The following NLRP4 variants were observed in gnomAD, a reference collection of about 807,000 sequenced individuals.
The protein encoded by NLRP4 is NLR family pyrin domain containing 4, also known as NACHT, LRR and PYD domains-containing protein 4.
NLRP4 carries 44 observed loss-of-function variants against 84.7 expected under a neutral mutation model. That is an observed-to-expected ratio of 0.52 (90% CI 0.41 to 0.67). The LOEUF (loss-of-function observed/expected upper bound fraction) is 0.67, where lower values mean the gene tolerates loss of function less well. Among genes scored for constraint, NLRP4 ranks in the 30% least tolerant of loss-of-function variants. The pLI, the probability that NLRP4 is intolerant of heterozygous loss-of-function variation, is 0.00. For synonymous variants in NLRP4, 544 were observed against 476.4 expected (o/e 1.14, Z -1.85); for missense variants, 1,260 against 1,219.4 (o/e 1.03, Z -0.50).
chr19:55,856,893 A>T (rs901870141), intron 2 of NLRP4, among the ~76,000 whole-genome samples: 4 of 152,170 alleles, frequency 2.6e-5, no homozygotes, highest in Non-Finnish European at 5.9e-5. Context: ...GTTGGAATGG[A>T]TGCGAGGTGC....
chr19:55,861,584 G>A (rs1256744794), intron 4 of NLRP4, 37 bp downstream of exon 4: 20 of 1,592,294 alleles, frequency 1.3e-5, no homozygotes, highest in East Asian at 6.7e-5. Flanking sequence ...AGTATGTCAC[G>A]GAGATGACCT....
At position 55,858,596 on chromosome 19, in the gene NLRP4, C is replaced by T. The variant is rs760958030; in HGVS notation, c.1203C>T (p.Ser401=). ...AGCACCAGCTGAAGGCCCTGTGCTC[C>T]CTGGCTGCAGAGGGTATGTGGACAG... ...QTQHQLKALC[S]LAAEGMWTDT... Residue 401 remains serine, a synonymous_variant, in exon 3 of 10, where the codon TCC becomes TCT. Transcript: ENST00000301295. This position sits in a 1 kb window ranked among gnomAD's most constrained non-coding sequence, Gnocchi z 4.2. The T allele has an allele frequency of 1.4e-5, 22 of 1,614,172 alleles. 1 individual carries two copies. Among genetic ancestry groups the T allele is most frequent in the Admixed American group, 6.7e-5 (4 of 60,020 alleles).
chr19:55,872,888 A>G (rs1318213392), intron 7 of NLRP4, among the ~76,000 whole-genome samples: 1 of 152,220 alleles, frequency 6.6e-6, no homozygotes, highest in Admixed American at 6.5e-5. Flanking sequence ...GTTGGTCTGT[A>G]AAGATTTAAC....
chr19:55,872,794 A>AGAT lies in NLRP4; in HGVS notation c.2525+1798_2525+1800dup, dbSNP rs1600241551. 2.0e-5 allele frequency among the ~76,000 whole-genome samples: 3 copies of AGAT among 152,348 alleles called. No homozygotes were observed. In the East Asian group the frequency reaches 5.8e-4, roughly 29 times the overall value. The stretch of plus-strand genomic sequence containing the variant: ...CTGAAATTTTTCTGTAACCAATGAA[A>AGAT]GATTCCAATTCAGATTCAAGCATCC... On this transcript the variant is annotated intron_variant, in intron 7 of 9. Transcript: ENST00000301295.
Position 55,853,353 on chromosome 19 carries a change from T to C in NLRP4, c.280+993T>C, listed in dbSNP as rs571145934. Among the ~76,000 whole-genome samples the C allele has an allele frequency of 7.9e-5, 12 of 152,324 alleles. No homozygotes were observed. The East Asian group carries it at 2.3e-3, about 29-fold the overall frequency. On this transcript the variant is annotated intron_variant, in intron 2 of 9. Transcript: ENST00000301295. The stretch of plus-strand genomic sequence containing the variant: ...TTTTAGCCATTGTCTGTGTATTCCA[T>C]TCTTCTGTTTATTCTTCTGGGACTC...
At chr19:55,857,355 GTGTC>G (rs1284906797) in intron 2 of NLRP4, 26 of 409,760 alleles carry the variant, frequency 6.3e-5, no homozygotes, top group Non-Finnish European at 8.1e-5. Context: ...GTGTGTGTGT[GTGTC>G]TATTGAAAGC....
intron 7 of NLRP4, among the ~76,000 whole-genome samples, chr19:55,873,278 G>T (rs1600241916): frequency 6.6e-6 from 1 of 151,818 alleles, no homozygotes; most frequent in Non-Finnish European, 1.5e-5. Flanking sequence ...AAGATTTAAT[G>T]GAAAAAATAT....
At chr19:55,846,422 A>T (rs1480868982) in intron 1 of NLRP4, among the ~76,000 whole-genome samples, 3 of 152,142 alleles carry the variant, frequency 2.0e-5, no homozygotes, top group Non-Finnish European at 4.4e-5. Context: ...CTGTCTCCAC[A>T]TCAAGAAAAG....
intron 1 of NLRP4, among the ~76,000 whole-genome samples, chr19:55,848,692 A>G (rs927319108): frequency 3.3e-5 from 5 of 152,146 alleles, no homozygotes; most frequent in Non-Finnish European, 7.4e-5. Context: ...GTGAGCCACC[A>G]TGCCCGGCTG....
chr19:55,858,892 G>T lies in NLRP4; in HGVS notation c.1499G>T (p.Gly500Val). 1 of 1,614,016 alleles carries T rather than the reference G, an allele frequency of 6.2e-7. No individual in the cohort carries two copies. Among genetic ancestry groups the T allele is most frequent in the South Asian group, 1.1e-5 (1 of 91,074 alleles). Residue 500 changes from glycine (G) to valine (V), a missense_variant, in exon 3 of 10, where the codon GGG (glycine) becomes GTG (valine). By Grantham distance (109) the Gly-to-Val change is moderately radical. Transcript: ENST00000301295. This position sits in a 1 kb window ranked among gnomAD's most constrained non-coding sequence, Gnocchi z 4.2. ...AGGAGAGCACATTGGATTTTTTTGG[G>T]GTGTTTTCTAACTGGCCTTTTAAAT... ...KARRAHWIFL[G>V]CFLTGLLNKK...
chr19:55,874,179 T>A (rs1985287414), intron 7 of NLRP4, among the ~76,000 whole-genome samples: 1 of 152,212 alleles, frequency 6.6e-6, no homozygotes, highest in Admixed American at 6.5e-5. Context: ...TTAAAAGTGA[T>A]GTAATATTTG....
rs555275189 is a variant in NLRP4, at chr19:55,852,311, A to G, written c.231A>G (p.Gln77=). 1.3e-5 allele frequency: 21 copies of G among 1,607,014 alleles called. No homozygotes were observed. The East Asian group carries it at 1.6e-4, about 12-fold the overall frequency. The change falls in exon 2 of 10, where the codon CAA becomes CAG. Residue 77 remains glutamine (Q), a synonymous_variant. Coordinates refer to ENST00000301295, the MANE Select transcript of NLRP4 (RefSeq NM_134444.5). ...GGAACATAACCTTAAGAATCTTTCA[A>G]AAGATGGATAGAAAGGATCTCTGCA... is the stretch of plus-strand genomic sequence containing the variant. ...QAWNITLRIF[Q]KMDRKDLCMK...
intron 2 of NLRP4, among the ~76,000 whole-genome samples, chr19:55,854,877 C>A (rs1241549111): frequency 6.6e-6 from 1 of 152,162 alleles, no homozygotes; most frequent in African/African-American, 2.4e-5. Flanking sequence ...GCGCTCACCA[C>A]CACGCCCAGC....
chr19:55,854,428 TCTA>T (rs1236477885), intron 2 of NLRP4, among the ~76,000 whole-genome samples: 1 of 152,212 alleles, frequency 6.6e-6, no homozygotes, highest in Non-Finnish European at 1.5e-5. Flanking sequence ...TAGGTCTGTT[TCTA>T]CTGTTTCTTT....
At chr19:55,876,096 A>C (rs1480457374) in intron 7 of NLRP4, among the ~76,000 whole-genome samples, 1 of 152,180 alleles carries the variant, frequency 6.6e-6, no homozygotes, top group Non-Finnish European at 1.5e-5. Context: ...TTTAGAAATT[A>C]AAAAAGCATG....
Position 55,878,920 on chromosome 19 carries a change from CTG to C in NLRP4, c.2826_2827del (p.Cys942Ter). 1 of 1,613,920 alleles carries C rather than the reference CTG, an allele frequency of 6.2e-7. No homozygotes were observed. Among genetic ancestry groups the C allele is most frequent in the African/African-American group, 1.3e-5 (1 of 75,038 alleles). ...TGGACCACACAGGGGTGGTTGTACT[CTG>C]TGAGGCCCTGAGACACCCAGAGTGT... ...TLDHTGVVVL[C>X]EALRHPECAL... On this transcript the variant is annotated frameshift_variant, in exon 9 of 10. Transcript: ENST00000301295. LOFTEE classifies it low-confidence loss of function (END_TRUNC).
intron 3 of NLRP4, among the ~76,000 whole-genome samples, chr19:55,859,926 CAAAA>C (rs1166037425): frequency 5.7e-5 from 1 of 17,500 alleles, no homozygotes; most frequent in Non-Finnish European, 1.0e-4. Flanking sequence ...CTCTCATCTC[CAAAA>C]AAAAAAAAAA....
At position 55,850,487 on chromosome 19, in the gene NLRP4, T is replaced by C. The variant is rs77827935; in HGVS notation, c.-65-1529T>C. On this transcript the variant is annotated intron_variant, in intron 1 of 9. Coordinates refer to ENST00000301295, the MANE Select transcript of NLRP4 (RefSeq NM_134444.5). ...GTAATTTCCGAGGCTGCGGTGTAAT[T>C]TCCGAGGCTGCGGTGTAATGTCCGT... Among the ~76,000 whole-genome samples the C allele has an allele frequency of 1.2e-4, 4 of 33,058 alleles. No individual in the cohort carries two copies. The Admixed American group carries it at 1.3e-3, about 10-fold the overall frequency. 21.7% of individuals were successfully genotyped at this position (33,058 alleles called of 152,430 possible).
rs546849736 is a variant in NLRP4, at chr19:55,836,875, T to C, written c.-125T>C. On this transcript the variant is annotated 5_prime_UTR_variant, in exon 1 of 10. Coordinates refer to ENST00000301295, the MANE Select transcript of NLRP4 (RefSeq NM_134444.5). ...CGAGGGTGGGAATGTTCTTATTAGA[T>C]TCTTCATCTCTGTTGACACAAACAT... is the stretch of plus-strand genomic sequence containing the variant. 6.6e-6 allele frequency: 1 copy of C among 152,136 alleles called. No homozygotes were observed. The highest frequency in any genetic ancestry group is 2.4e-5 in the African/African-American group (1 of 41,492). 9.4% of individuals were successfully genotyped at this position (152,136 alleles called of 1,614,324 possible).
Sources: allele counts gnomAD v4.1 joint callset (sites outside exome capture counted in the v4.1 genomes callset), GRCh38; gene constraint gnomAD v4.1.1; non-coding constraint Gnocchi (gnomAD v3.1); transcripts MANE v1.5; gene names NCBI Gene and HGNC (gene_info 2026-07-23, HGNC 2026-07-21).